ANTXR1: variants seen among roughly 807,000 people sequenced by gnomAD.
ANTXR1 encodes ANTXR cell adhesion molecule 1.
Under a neutral mutation model 78.1 loss-of-function variants are expected in ANTXR1, and 19 were observed. The observed-to-expected ratio is 0.24, with a 90% CI of 0.17 to 0.36. The LOEUF (loss-of-function observed/expected upper bound fraction) is 0.36, where lower values mean the gene tolerates loss of function less well. ANTXR1 is among the 10% of genes least tolerant of loss of function. The probability of loss-of-function intolerance (pLI) is 1.00; values close to 1 mark genes in which losing one functional copy is unlikely to be tolerated. For missense variants in ANTXR1, 518 were observed against 718.6 expected, an observed-to-expected ratio of 0.72 and a Z score of 3.19; for synonymous variants, 273 against 260.5, an observed-to-expected ratio of 1.05 and a Z score of -0.46.
intron 17 of ANTXR1, among the ~76,000 whole-genome samples, chr2:69,237,026 G>T (rs1675781867): frequency 6.6e-6 from 1 of 152,038 alleles, no homozygotes. Context: ...GTAATCAGAT[G>T]GAAAAAGGGG....
chr2:69,239,319 A>T (rs1675843015), intron 17 of ANTXR1, among the ~76,000 whole-genome samples: 1 of 152,214 alleles, frequency 6.6e-6, no homozygotes, highest in Non-Finnish European at 1.5e-5. Flanking sequence ...CTATAATCCC[A>T]GCACTTTGGG....
intron 17 of ANTXR1, among the ~76,000 whole-genome samples, chr2:69,201,104 G>C (rs1050066467): frequency 6.6e-6 from 1 of 152,104 alleles, no homozygotes; most frequent in Non-Finnish European, 1.5e-5. Flanking sequence ...CCCTGCCCTC[G>C]AGGAACAGGG....
chr2:69,044,984 C>T lies in ANTXR1; in HGVS notation c.296+171C>T, dbSNP rs11126214. On this transcript the variant is annotated intron_variant, in intron 3 of 17. Transcript: ENST00000303714. ...GGGCACATGGGTCCTGCTGCTAGTT[C>T]ACTCTTCAGTTACTTTTGATAGAAT... Among the ~76,000 whole-genome samples the T allele has an allele frequency of 0.23, 35,305 of 152,054 alleles. 7,042 individuals carry two copies. Among genetic ancestry groups the T allele is most frequent in the African/African-American group, 0.54 (22,305 of 41,430 alleles).
chr2:69,169,514 C>T (rs562320272), intron 13 of ANTXR1, among the ~76,000 whole-genome samples: 1 of 152,364 alleles, frequency 6.6e-6, no homozygotes, highest in South Asian at 2.1e-4. Context: ...GCTGTCCCTG[C>T]TCTGTCCTTA....
chr2:69,186,295 T>C (rs1487428107), intron 16 of ANTXR1, among the ~76,000 whole-genome samples: 1 of 152,238 alleles, frequency 6.6e-6, no homozygotes, highest in Non-Finnish European at 1.5e-5. Context: ...TAATCATGTG[T>C]GCTCTCCGTC....
intron 10 of ANTXR1, among the ~76,000 whole-genome samples, chr2:69,119,302 C>T (rs1672262982): frequency 6.6e-6 from 1 of 152,176 alleles, no homozygotes; most frequent in African/African-American, 2.4e-5. Context: ...CGTGACCCAG[C>T]TCTCCCCACA....
intron 8 of ANTXR1, 81 bp from the exon 9 acceptor site, chr2:69,090,778 C>A: frequency 1.4e-6 from 2 of 1,418,486 alleles, no homozygotes; most frequent in South Asian, 1.2e-5. Context: ...ATCTCTATCT[C>A]AGTAGCTAAA....
At chr2:69,061,783 A>C (rs554769060) in intron 3 of ANTXR1, among the ~76,000 whole-genome samples, 101 of 152,308 alleles carry the variant, frequency 6.6e-4, no homozygotes, top group African/African-American at 2.3e-3. Context: ...GAGATACTAG[A>C]GTGTATTTGT....
At chr2:69,094,240 C>G (rs544993666) in intron 9 of ANTXR1, among the ~76,000 whole-genome samples, 1 of 152,240 alleles carries the variant, frequency 6.6e-6, no homozygotes, top group Admixed American at 6.5e-5. Flanking sequence ...AATTGTTATG[C>G]AGAACAAGAT....
At position 69,150,664 on chromosome 2, in the gene ANTXR1, A is replaced by G. The variant is rs544607054; in HGVS notation, c.952-1505A>G. Among the ~76,000 whole-genome samples the G allele has an allele frequency of 4.8e-3, 441 of 92,634 alleles. 1 individual carries two copies. The highest frequency in any genetic ancestry group is 0.025 in the African/African-American group (419 of 17,072). The allele number at this position is 92,634 out of a possible 152,430, so 60.8% of individuals were successfully genotyped here. ...TGTCTCTCTCACTCTTGACATACAT[A>G]TACATAAATCCATTATACCAGGAGT... On this transcript the variant is annotated intron_variant, in intron 12 of 17. Coordinates refer to ENST00000303714, the MANE Select transcript of ANTXR1 (RefSeq NM_032208.3).
At position 69,181,943 on chromosome 2, in the gene ANTXR1, C is replaced by T. The variant is rs373912390; in HGVS notation, c.1185+62C>T. The T allele has an allele frequency of 2.2e-3, 3,383 of 1,524,686 alleles. 7 individuals carry two copies. Among genetic ancestry groups the T allele is most frequent in the Non-Finnish European group, 2.9e-3 (3,145 of 1,100,476 alleles). 94.4% of individuals were successfully genotyped at this position (1,524,686 alleles called of 1,614,324 possible). A position where few individuals can be genotyped will look rare whatever the true frequency, so the allele number is the denominator to read the frequency against. On this transcript the variant is annotated intron_variant, in intron 15 of 17. Coordinates refer to ENST00000303714, the MANE Select transcript of ANTXR1 (RefSeq NM_032208.3). ...TGACTACTCCCATCGAGGTACCAGC[C>T]GGGCCTGACCCTGCTTAGCCTCTAG...
intron 17 of ANTXR1, among the ~76,000 whole-genome samples, chr2:69,197,394 C>T (rs947935245): frequency 6.6e-6 from 1 of 152,154 alleles, no homozygotes; most frequent in African/African-American, 2.4e-5. Context: ...AAAGGCAAGC[C>T]TTTCCATTTC....
intron 12 of ANTXR1, among the ~76,000 whole-genome samples, chr2:69,137,966 C>T (rs1342072079): frequency 1.3e-5 from 2 of 151,650 alleles, no homozygotes; most frequent in South Asian, 2.1e-4. Context: ...CACCTGTAAT[C>T]TCAGCTACTC....
chr2:69,144,656 C>T (rs1236631227), intron 12 of ANTXR1, among the ~76,000 whole-genome samples: 2 of 152,232 alleles, frequency 1.3e-5, no homozygotes, highest in Non-Finnish European at 2.9e-5. Context: ...GCAGAGAAAG[C>T]TAATATCTCT....
chr2:69,043,248 A>G (rs1417345483), intron 2 of ANTXR1, among the ~76,000 whole-genome samples: 2 of 152,112 alleles, frequency 1.3e-5, no homozygotes, highest in Non-Finnish European at 2.9e-5. Context: ...TTCATCTTTC[A>G]GGGCCTCAAT....
intron 3 of ANTXR1, among the ~76,000 whole-genome samples, chr2:69,062,344 T>G (rs1051893796): frequency 5.9e-5 from 9 of 152,226 alleles, no homozygotes; most frequent in African/African-American, 2.2e-4. Flanking sequence ...ATTCTCATTG[T>G]GCTTGGATTC....
intron 17 of ANTXR1, among the ~76,000 whole-genome samples, chr2:69,229,024 G>A (rs1245035499): frequency 6.6e-6 from 1 of 152,158 alleles, no homozygotes; most frequent in Non-Finnish European, 1.5e-5. Flanking sequence ...GCATGTGTGA[G>A]TAGAATGAAA....
At chr2:69,190,973 T>C (rs1259337497) in intron 16 of ANTXR1, among the ~76,000 whole-genome samples, 1 of 152,086 alleles carries the variant, frequency 6.6e-6, no homozygotes, top group East Asian at 1.9e-4. Context: ...CAAACCCAAA[T>C]GCTGGGAGTC....
At position 69,114,492 on chromosome 2, in the gene ANTXR1, C is replaced by G. The variant is rs116392380; in HGVS notation, c.803-8525C>G. ...TGGGAATGGACTCATGGTCCCTCAC[C>G]TTTTACTTCCTCTCCATCTGGGGCT... On this transcript the variant is annotated intron_variant, in intron 10 of 17. Transcript: ENST00000303714. 2.4e-3 allele frequency among the ~76,000 whole-genome samples: 370 copies of G among 152,292 alleles called. 1 individual carries two copies. Among genetic ancestry groups the G allele is most frequent in the African/African-American group, 8.6e-3 (357 of 41,554 alleles).
Sources: allele counts gnomAD v4.1 joint callset (sites outside exome capture counted in the v4.1 genomes callset), GRCh38; gene constraint gnomAD v4.1.1; transcripts MANE v1.5; gene names NCBI Gene and HGNC (gene_info 2026-07-23, HGNC 2026-07-21).